The following MND1 variants were observed in gnomAD, a reference collection of about 807,000 sequenced individuals.
The protein encoded by MND1 is meiotic nuclear divisions 1.
Under a neutral mutation model 35.1 loss-of-function variants are expected in MND1, and 28 were observed. The ratio of observed to expected loss-of-function variants is 0.80; its 90% CI spans 0.59 to 1.09. MND1 has a LOEUF of 1.09. Ranked by LOEUF, MND1 falls within the 50% of genes least tolerant of loss-of-function variation. The pLI is 0.00. For synonymous variants in MND1, 69 were observed against 70.5 expected, an observed-to-expected ratio of 0.98 and a Z score of 0.11; for missense variants, 213 against 239.6, an observed-to-expected ratio of 0.89 and a Z score of 0.73.
At position 153,358,509 on chromosome 4, in the gene MND1, G is replaced by C; in HGVS notation, c.163G>C (p.Val55Leu). The change falls in exon 4 of 8, where the codon GTT (valine) becomes CTT (leucine). Residue 55 changes from valine to leucine, a missense_variant. Val to Leu is a conservative substitution (Grantham distance 32). Coordinates refer to ENST00000240488, the MANE Select transcript of MND1 (RefSeq NM_032117.4). The stretch of plus-strand genomic sequence containing the variant: ...AGTAAAAGAAGTCCTTCAAAGCTTA[G>C]TTGATGATGGTATGGTTGACTGTGA... ...MSVKEVLQSL[V>L]DDGMVDCERI... 6.2e-7 allele frequency: 1 copy of C among 1,611,574 alleles called. No homozygotes were observed. Among genetic ancestry groups the C allele is most frequent in the Non-Finnish European group, 8.5e-7 (1 of 1,178,904 alleles).
At chr4:153,407,747 T>G (rs1729560663) in intron 6 of MND1, among the ~76,000 whole-genome samples, 1 of 152,140 alleles carries the variant, frequency 6.6e-6, no homozygotes. Context: ...AACATTGTGT[T>G]AAGTGAGAGA....
chr4:153,359,507 GGTTTTGT>G (rs1427830519), intron 4 of MND1, among the ~76,000 whole-genome samples: 8 of 152,176 alleles, frequency 5.3e-5, no homozygotes, highest in Admixed American at 5.2e-4. Context: ...TTCATGTGTA[GGTTTTGT>G]GTACACATAA....
At chr4:153,344,874 G>A in intron 1 of MND1, 134 bp downstream of exon 1, 14 of 1,447,180 alleles carry the variant, frequency 9.7e-6, no homozygotes, top group Non-Finnish European at 1.3e-5. Context: ...CCGGCTCTCG[G>A]CCTCACCGTG....
rs148229832 is a variant in MND1 at position 153,355,728 on chromosome 4, T to C, written c.127+17T>C. ...AAGGCATTAGTAAGTACCAAAGTTA[T>C]ACTGGAATGTTTTGGGAAATATACT... On this transcript the variant is annotated intron_variant, in intron 3 of 7. Transcript: ENST00000240488. 3.9e-5 allele frequency: 58 copies of C among 1,489,464 alleles called. No individual in the cohort carries two copies. In the East Asian group the frequency reaches 1.3e-3, roughly 33 times the overall value. 92.3% of individuals were successfully genotyped at this position (1,489,464 alleles called of 1,614,324 possible).
chr4:153,403,966 AG>A (rs1303656917), intron 6 of MND1, among the ~76,000 whole-genome samples: 1 of 152,080 alleles, frequency 6.6e-6, no homozygotes, highest in Non-Finnish European at 1.5e-5. Flanking sequence ...CATGTTACTC[AG>A]GCTAACATTA....
chr4:153,410,904 T>A (rs1196829140), intron 7 of MND1, among the ~76,000 whole-genome samples: 1 of 152,088 alleles, frequency 6.6e-6, no homozygotes, highest in Non-Finnish European at 1.5e-5. Flanking sequence ...GGTAGGAGAA[T>A]TGCTTGAACC....
chr4:153,348,708 G>A (rs993089567), intron 1 of MND1, among the ~76,000 whole-genome samples: 3 of 151,882 alleles, frequency 2.0e-5, no homozygotes, highest in Admixed American at 2.0e-4. Flanking sequence ...ACAGTGTCTT[G>A]CTTTGTTGCC....
intron 6 of MND1, among the ~76,000 whole-genome samples, chr4:153,408,123 A>AG: frequency 6.6e-6 from 1 of 152,232 alleles, no homozygotes; most frequent in Admixed American, 6.5e-5. Context: ...ACAAGAAATG[A>AG]GCTGGGCATG....
chr4:153,407,704 G>A (rs538180749), intron 6 of MND1, among the ~76,000 whole-genome samples: 1 of 152,280 alleles, frequency 6.6e-6, no homozygotes, highest in Non-Finnish European at 1.5e-5. Context: ...GCATAAAAAA[G>A]AATGAGGTAT....
intron 2 of MND1, among the ~76,000 whole-genome samples, chr4:153,351,045 GT>G (rs1352582428): frequency 6.6e-6 from 1 of 151,860 alleles, no homozygotes; most frequent in Non-Finnish European, 1.5e-5. Flanking sequence ...TCAGAACAGG[GT>G]GTCATATTAT....
chr4:153,365,718 G>A (rs1450425146), intron 4 of MND1, among the ~76,000 whole-genome samples: 2 of 152,092 alleles, frequency 1.3e-5, no homozygotes, highest in East Asian at 1.9e-4. Flanking sequence ...TCCCATCTCA[G>A]CCTCGCAAAG....
intron 7 of MND1, among the ~76,000 whole-genome samples, chr4:153,410,304 A>G (rs1428106197): frequency 6.6e-6 from 1 of 151,114 alleles, no homozygotes; most frequent in African/African-American, 2.4e-5. Context: ...TTCCTATCCT[A>G]TTAGCTGCAG....
At chr4:153,370,256 T>A (rs1773758206) in intron 4 of MND1, among the ~76,000 whole-genome samples, 1 of 151,998 alleles carries the variant, frequency 6.6e-6, no homozygotes, top group African/African-American at 2.4e-5. Context: ...CGCTCCAGCC[T>A]GGGTAACACA....
chr4:153,365,679 A>T (rs1043847055), intron 4 of MND1, among the ~76,000 whole-genome samples: 10 of 151,998 alleles, frequency 6.6e-5, no homozygotes, highest in African/African-American at 2.4e-4. Context: ...AGCTCACTGC[A>T]GCCTTCAACT....
At position 153,348,800 on chromosome 4, in the gene MND1, C is replaced by T. The variant is rs368187648; in HGVS notation, c.4-1264C>T. Among the ~76,000 whole-genome samples the T allele has an allele frequency of 8.5e-4, 129 of 152,214 alleles. 2 individuals carry two copies. The highest frequency in any genetic ancestry group is 6.2e-3 in the East Asian group (32 of 5,182). On this transcript the variant is annotated intron_variant, in intron 1 of 7. Coordinates refer to ENST00000240488, the MANE Select transcript of MND1 (RefSeq NM_032117.4). ...TGCTGGGATTACAGGTGTGAGCCAC[C>T]GCCCAGCCAAGTTAGTGGGTTTCTA...
chr4:153,365,903 T>C (rs1039100323), intron 4 of MND1, among the ~76,000 whole-genome samples: 1 of 152,222 alleles, frequency 6.6e-6, no homozygotes, highest in Middle Eastern at 3.2e-3. Context: ...AAAGGAATTG[T>C]ATTAGTTTTT....
At chr4:153,367,090 A>T (rs1366886641) in intron 4 of MND1, among the ~76,000 whole-genome samples, 1 of 152,138 alleles carries the variant, frequency 6.6e-6, no homozygotes, top group East Asian at 1.9e-4. Context: ...GGCTGGGCAG[A>T]TATTCTAAAA....
chr4:153,396,335 G>A (rs1271927279), intron 5 of MND1, among the ~76,000 whole-genome samples: 1 of 152,124 alleles, frequency 6.6e-6, no homozygotes, highest in African/African-American at 2.4e-5. Context: ...CTCTGTATAT[G>A]AGTCTCTTGT....
chr4:153,409,062 C>T, intron 7 of MND1, 47 bp downstream of exon 7: 1 of 1,132,422 alleles, frequency 8.8e-7, no homozygotes, highest in South Asian at 2.5e-5. Flanking sequence ...ATTCCCTTCA[C>T]ACTTACTGCG....
Sources: allele counts gnomAD v4.1 joint callset (sites outside exome capture counted in the v4.1 genomes callset), GRCh38; gene constraint gnomAD v4.1.1; transcripts MANE v1.5; gene names NCBI Gene and HGNC (gene_info 2026-07-23, HGNC 2026-07-21).